NFATC3: variants seen among roughly 807,000 people sequenced by gnomAD.
NFATC3 encodes nuclear factor of activated T-cells, cytoplasmic 3.
In NFATC3, 46 loss-of-function variants were observed where a neutral mutation model predicts 98.6. The ratio of observed to expected loss-of-function variants is 0.47; its 90% CI spans 0.37 to 0.60. NFATC3 has a LOEUF of 0.60. Ranked by LOEUF, NFATC3 falls within the 20% of genes least tolerant of loss-of-function variation. The pLI, the probability that NFATC3 is intolerant of heterozygous loss-of-function variation, is 0.00. For missense variants in NFATC3, 1,256 were observed against 1,295.5 expected (o/e 0.97, Z 0.47); for synonymous variants, 512 against 472.2 (o/e 1.08, Z -1.09).
At chr16:68,156,410 T>C (rs1254820093) in intron 3 of NFATC3, among the ~76,000 whole-genome samples, 2 of 152,152 alleles carry the variant, frequency 1.3e-5, no homozygotes, top group African/African-American at 4.8e-5. Context: ...CCTTCATGAA[T>C]ATACATGCAA....
intron 3 of NFATC3, among the ~76,000 whole-genome samples, chr16:68,147,378 CA>C (rs1312133119): frequency 1.3e-5 from 2 of 152,112 alleles, no homozygotes; most frequent in African/African-American, 4.8e-5. Context: ...TATATAAGAG[CA>C]AATTGCCTAC....
chr16:68,194,335 A>G (rs1007352624), intron 9 of NFATC3, among the ~76,000 whole-genome samples: 4 of 152,212 alleles, frequency 2.6e-5, no homozygotes, highest in Admixed American at 6.6e-5. Context: ...TCACTGCGTT[A>G]ACCCATGTTC....
At chr16:68,101,984 T>G (rs2035389441) in intron 1 of NFATC3, among the ~76,000 whole-genome samples, 1 of 152,130 alleles carries the variant, frequency 6.6e-6, no homozygotes, top group African/African-American at 2.4e-5. Context: ...TGTTATTGTG[T>G]TGTCATTTGT....
At chr16:68,157,558 C>T (rs892460922) in intron 3 of NFATC3, among the ~76,000 whole-genome samples, 2 of 152,014 alleles carry the variant, frequency 1.3e-5, no homozygotes, top group Admixed American at 1.3e-4. Flanking sequence ...AGTACAGAAT[C>T]AGTATTTCTT....
At chr16:68,099,359 C>T (rs942630341) in intron 1 of NFATC3, among the ~76,000 whole-genome samples, 8 of 151,890 alleles carry the variant, frequency 5.3e-5, no homozygotes, top group South Asian at 2.1e-4. Context: ...GGCGTGAACC[C>T]AGGAGGCGGA....
chr16:68,215,783 A>G (rs190119877), intron 9 of NFATC3, among the ~76,000 whole-genome samples: 1 of 132,034 alleles, frequency 7.6e-6, no homozygotes, highest in East Asian at 2.2e-4. Flanking sequence ...GCTGGAGTGC[A>G]GTGGTGCGAT....
intron 1 of NFATC3, among the ~76,000 whole-genome samples, chr16:68,102,514 ATTG>A (rs1313895432): frequency 6.7e-6 from 1 of 150,112 alleles, no homozygotes; most frequent in Admixed American, 6.7e-5. Context: ...ATTTTATTCC[ATTG>A]TTGTTGAAAA....
chr16:68,126,678 G>A, intron 3 of NFATC3, 68 bp downstream of exon 3: 1 of 1,522,318 alleles, frequency 6.6e-7, no homozygotes, highest in Non-Finnish European at 9.0e-7. Flanking sequence ...AGTCTATTCA[G>A]TTAGGTACTA....
chr16:68,115,509 C>T (rs1414532647), intron 1 of NFATC3, among the ~76,000 whole-genome samples: 1 of 152,078 alleles, frequency 6.6e-6, no homozygotes, highest in Non-Finnish European at 1.5e-5. Flanking sequence ...ACTGCGACCT[C>T]CGCCTCCCGG....
At chr16:68,168,075 C>G (rs1232481743) in intron 5 of NFATC3, among the ~76,000 whole-genome samples, 1 of 151,750 alleles carries the variant, frequency 6.6e-6, no homozygotes, top group Non-Finnish European at 1.5e-5. Context: ...CTCAGGTGAT[C>G]CACCCGCGTT....
intron 1 of NFATC3, among the ~76,000 whole-genome samples, chr16:68,109,548 A>G (rs116822012): frequency 0.014 from 2,203 of 152,110 alleles, 50 homozygotes; most frequent in African/African-American, 0.048. Context: ...TTTTTGTTAT[A>G]TCTCTTTCAG....
chr16:68,155,730 A>G (rs1207939419), intron 3 of NFATC3, among the ~76,000 whole-genome samples: 1 of 152,186 alleles, frequency 6.6e-6, no homozygotes, highest in Non-Finnish European at 1.5e-5. Flanking sequence ...AAGAAATAGC[A>G]TGCCCCTTTC....
chr16:68,139,971 GAA>G (rs957683626), intron 3 of NFATC3, among the ~76,000 whole-genome samples: 1 of 152,094 alleles, frequency 6.6e-6, no homozygotes, highest in African/African-American at 2.4e-5. Flanking sequence ...CCACAAGAAA[GAA>G]GAGGGATTTT....
At chr16:68,106,392 A>G (rs1470422121) in intron 1 of NFATC3, among the ~76,000 whole-genome samples, 2 of 151,378 alleles carry the variant, frequency 1.3e-5, no homozygotes, top group Admixed American at 1.3e-4. Flanking sequence ...CCTGGGCTCA[A>G]GTGATTCACC....
rs60331468 is a variant in NFATC3, at chr16:68,135,457, CAAAAAAAA to C, written c.1401+8866_1401+8873del. 1.0e-3 allele frequency among the ~76,000 whole-genome samples: 82 copies of C among 78,684 alleles called. 1 individual carries two copies. The highest frequency in any genetic ancestry group is 4.4e-3 in the South Asian group (12 of 2,742). The allele number at this position is 78,684 out of a possible 152,430, so 51.6% of individuals were successfully genotyped here. A position where few individuals can be genotyped will look rare whatever the true frequency, so the allele number is the denominator to read the frequency against. On this transcript the variant is annotated intron_variant, in intron 3 of 9. Coordinates refer to ENST00000346183, the MANE Select transcript of NFATC3 (RefSeq NM_173165.3). ...TGGGGGACACAGCGAGACTCCGTCT[CAAAAAAAA>C]AAAAAAAAAAAAAAAAAAGAAACTG...
intron 1 of NFATC3, among the ~76,000 whole-genome samples, chr16:68,095,895 T>A (rs188644698): frequency 8.5e-5 from 13 of 152,372 alleles, no homozygotes; most frequent in Admixed American, 8.5e-4. Context: ...AACCTGATGA[T>A]TATGCAGACA....
At chr16:68,118,992 C>T (rs557178762) in intron 1 of NFATC3, among the ~76,000 whole-genome samples, 26 of 152,246 alleles carry the variant, frequency 1.7e-4, no homozygotes, top group South Asian at 8.3e-4. Context: ...CTCAGCCTCC[C>T]GAGCAGCTGG....
At chr16:68,207,901 C>G (rs987433807) in intron 9 of NFATC3, among the ~76,000 whole-genome samples, 4 of 150,708 alleles carry the variant, frequency 2.7e-5, no homozygotes, top group Non-Finnish European at 4.4e-5. Context: ...AAAATAATAG[C>G]CATCCTACTG....
intron 8 of NFATC3, 40 bp downstream of exon 8, chr16:68,183,406 C>A: frequency 6.3e-7 from 1 of 1,597,398 alleles, no homozygotes; most frequent in South Asian, 1.1e-5. Flanking sequence ...AGCTTTCTTT[C>A]CTAATGAATA....
Sources: gnomAD v4.1 joint callset for allele counts (sites outside exome capture counted in the v4.1 genomes callset) on GRCh38, gnomAD v4.1.1 for gene constraint, MANE v1.5 for transcripts, NCBI Gene and HGNC (gene_info 2026-07-23, HGNC 2026-07-21) for gene names.